ERC1: variants seen among roughly 807,000 people sequenced by gnomAD.
ERC1 encodes RAB6 interacting protein 2.
ERC1 carries 56 observed loss-of-function variants against 132.0 expected under a neutral mutation model. That is an observed-to-expected ratio of 0.42 (90% confidence interval 0.34 to 0.53). ERC1 has a LOEUF of 0.53. Ranked by LOEUF, ERC1 falls within the 20% of genes least tolerant of loss-of-function variation. ERC1 has a pLI of 0.03. For synonymous variants in ERC1, 478 were observed against 476.1 expected (o/e 1.00, Z -0.05); for missense variants, 1,202 against 1,349.9 (o/e 0.89, Z 1.72).
intron 7 of ERC1, among the ~76,000 whole-genome samples, chr12:1,134,224 T>C (rs1949039082): frequency 1.3e-5 from 2 of 152,130 alleles, no homozygotes; most frequent in South Asian, 4.1e-4. Context: ...TTAAAGAGAT[T>C]TGCAAAAATT....
chr12:1,401,830 A>T (rs1000367286), intron 16 of ERC1, among the ~76,000 whole-genome samples: 4 of 152,168 alleles, frequency 2.6e-5, no homozygotes, highest in Non-Finnish European at 4.4e-5. Flanking sequence ...TTCAATTAAA[A>T]ACTTAGTGGC....
intron 4 of ERC1, among the ~76,000 whole-genome samples, chr12:1,109,965 T>G (rs1331610071): frequency 6.6e-6 from 1 of 152,204 alleles, no homozygotes; most frequent in African/African-American, 2.4e-5. Flanking sequence ...GGAGAACTGC[T>G]TGAACCCAGA....
chr12:1,377,083 C>T (rs11061727), intron 16 of ERC1, among the ~76,000 whole-genome samples: 61,575 of 151,906 alleles, frequency 0.41, 13,709 homozygotes, highest in African/African-American at 0.59. Context: ...CTCCAAAGAC[C>T]GCTTTATTTC....
intron 1 of ERC1, among the ~76,000 whole-genome samples, chr12:1,006,242 C>G (rs1372067044): frequency 6.6e-6 from 1 of 152,040 alleles, no homozygotes; most frequent in East Asian, 1.9e-4. Context: ...CAGGCATGAA[C>G]CACTGCACCT....
intron 16 of ERC1, among the ~76,000 whole-genome samples, chr12:1,394,725 C>T (rs529665901): frequency 1.9e-4 from 29 of 152,268 alleles, no homozygotes; most frequent in Admixed American, 9.8e-4. Context: ...TTTCACCTTC[C>T]GCCATGATTG....
At chr12:1,195,576 G>C (rs1956141751) in intron 12 of ERC1, among the ~76,000 whole-genome samples, 1 of 152,158 alleles carries the variant, frequency 6.6e-6, no homozygotes, top group Non-Finnish European at 1.5e-5. Flanking sequence ...TTATAAGACA[G>C]ACTTGCAAGA....
intron 15 of ERC1, among the ~76,000 whole-genome samples, chr12:1,323,615 A>G (rs1041575468): frequency 3.3e-5 from 5 of 152,226 alleles, no homozygotes; most frequent in East Asian, 3.8e-4. Flanking sequence ...ATTCACTTAC[A>G]TATTACACCT....
chr12:1,109,441 A>G (rs958554890), intron 4 of ERC1, among the ~76,000 whole-genome samples: 1 of 152,000 alleles, frequency 6.6e-6, no homozygotes, highest in Non-Finnish European at 1.5e-5. Flanking sequence ...AATCTTTGAA[A>G]CCCTCTTACT....
intron 4 of ERC1, among the ~76,000 whole-genome samples, chr12:1,108,138 G>A (rs1316589968): frequency 1.3e-5 from 2 of 152,116 alleles, no homozygotes; most frequent in African/African-American, 4.8e-5. Context: ...GATTTCCTTG[G>A]TAGGTTCTTC....
At chr12:1,200,788 G>A (rs1300999827) in intron 12 of ERC1, among the ~76,000 whole-genome samples, 1 of 152,022 alleles carries the variant, frequency 6.6e-6, no homozygotes, top group Non-Finnish European at 1.5e-5. Context: ...TCGATCTCCT[G>A]ACCTCGTGAT....
intron 1 of ERC1, among the ~76,000 whole-genome samples, chr12:1,025,941 C>A (rs980128771): frequency 6.6e-6 from 1 of 151,998 alleles, no homozygotes; most frequent in Non-Finnish European, 1.5e-5. Context: ...GGATTACAGG[C>A]ACCTGCCACC....
chr12:1,036,695 A>G (rs1392801456), intron 2 of ERC1, among the ~76,000 whole-genome samples: 1 of 152,094 alleles, frequency 6.6e-6, no homozygotes, highest in Admixed American at 6.5e-5. Flanking sequence ...CTTTGTCATG[A>G]GGTTGCTAGT....
chr12:1,467,520 G>C (rs1376763824), intron 18 of ERC1, among the ~76,000 whole-genome samples: 1 of 152,066 alleles, frequency 6.6e-6, no homozygotes, highest in African/African-American at 2.4e-5. Flanking sequence ...CCAACTTTAG[G>C]CTACCTGATA....
intron 14 of ERC1, among the ~76,000 whole-genome samples, chr12:1,275,309 G>A (rs1195203624): frequency 1.3e-5 from 2 of 152,138 alleles, no homozygotes; most frequent in African/African-American, 4.8e-5. Context: ...CCAACATGGT[G>A]AAACCTTGTC....
intron 15 of ERC1, among the ~76,000 whole-genome samples, chr12:1,317,833 T>G (rs1007757650): frequency 1.8e-4 from 27 of 152,248 alleles, no homozygotes; most frequent in Non-Finnish European, 4.4e-5. Flanking sequence ...ATATACTTTC[T>G]TTATTCTTTA....
chr12:1,196,296 G>A lies in ERC1; in HGVS notation c.2351+6244G>A, dbSNP rs147332721. Among the ~76,000 whole-genome samples, 15 of 152,052 alleles carry A rather than the reference G, an allele frequency of 9.9e-5. No individual in the cohort carries two copies. The East Asian group carries it at 2.5e-3, about 25-fold the overall frequency. On this transcript the variant is annotated intron_variant, in intron 12 of 18. Transcript: ENST00000360905. ...TGCCTGGAACAGATCTCACCCTTTCGTCTTTTGAGAGGAATACATATAGCA... is the reference window on the plus strand; with the variant it reads ...TGCCTGGAACAGATCTCACCCTTTCATCTTTTGAGAGGAATACATATAGCA...
rs201503061 is a variant in ERC1 at position 1,018,844 on chromosome 12, C to T, written c.-156-8904C>T. ...CAATAATTACATTATTTTAAAAGCC[C>T]CTGGTTACCTCAGAGGAGCACCTAA... On this transcript the variant is annotated intron_variant, in intron 1 of 18. Coordinates refer to ENST00000360905, the MANE Select transcript of ERC1 (RefSeq NM_178040.4). Among the ~76,000 whole-genome samples, 4 of 152,148 alleles carry T rather than the reference C, an allele frequency of 2.6e-5. No individual in the cohort carries two copies. In the East Asian group the frequency reaches 7.7e-4, roughly 29 times the overall value.
chr12:1,274,418 CAG>C (rs1453000124), intron 14 of ERC1, among the ~76,000 whole-genome samples: 2 of 152,090 alleles, frequency 1.3e-5, no homozygotes, highest in East Asian at 1.9e-4. Flanking sequence ...AAGTGTGTAA[CAG>C]GGGACCTTAT....
chr12:1,042,122 C>T (rs1228365674), intron 2 of ERC1, among the ~76,000 whole-genome samples: 6 of 152,102 alleles, frequency 3.9e-5, no homozygotes, highest in African/African-American at 1.4e-4. Flanking sequence ...ATTGCACGCT[C>T]CGCTTCCCAG....
Sources: allele counts gnomAD v4.1 joint callset (sites outside exome capture counted in the v4.1 genomes callset), GRCh38; gene constraint gnomAD v4.1.1; transcripts MANE v1.5; gene names NCBI Gene and HGNC (gene_info 2026-07-23, HGNC 2026-07-21).